DKK2: variants seen among roughly 807,000 people sequenced by gnomAD.
The protein encoded by DKK2 is dickkopf Wnt signaling pathway inhibitor 2, also known as dickkopf-related protein 2.
A neutral mutation model predicts 28.1 loss-of-function variants in DKK2; 11 were observed. The ratio of observed to expected loss-of-function variants is 0.39; its 90% CI spans 0.25 to 0.65. The LOEUF is 0.65. Among genes scored for constraint, DKK2 ranks in the 30% least tolerant of loss-of-function variants. DKK2 has a pLI of 0.47. For synonymous variants in DKK2, 135 were observed against 126.5 expected, an observed-to-expected ratio of 1.07 and a Z score of -0.45; for missense variants, 326 against 335.5, an observed-to-expected ratio of 0.97 and a Z score of 0.22.
intron 1 of DKK2, among the ~76,000 whole-genome samples, chr4:107,003,243 C>A (rs948803267): frequency 3.9e-5 from 6 of 152,178 alleles, no homozygotes; most frequent in African/African-American, 1.4e-4. Context: ...TACTGAGGAA[C>A]ACTTGCAGGA....
At chr4:107,006,989 G>C (rs1723446386) in intron 1 of DKK2, among the ~76,000 whole-genome samples, 1 of 150,760 alleles carries the variant, frequency 6.6e-6, no homozygotes, top group South Asian at 2.1e-4. Flanking sequence ...CTTTTCAAAA[G>C]AACAGTCCTT....
At chr4:107,015,050 C>T (rs896245634) in intron 1 of DKK2, among the ~76,000 whole-genome samples, 1 of 151,442 alleles carries the variant, frequency 6.6e-6, no homozygotes, top group Non-Finnish European at 1.5e-5. Flanking sequence ...TTAAACATAT[C>T]TTCTCGTGCA....
intron 1 of DKK2, among the ~76,000 whole-genome samples, chr4:107,013,484 T>C (rs1723543102): frequency 6.6e-6 from 1 of 151,368 alleles, no homozygotes; most frequent in African/African-American, 2.4e-5. Context: ...AAACTGGATA[T>C]ACACGTGTAA....
Position 106,936,591 on chromosome 4 carries a change from A to G in DKK2, c.223-10642T>C, listed in dbSNP as rs377506521. Among the ~76,000 whole-genome samples the G allele has an allele frequency of 3.2e-4, 48 of 152,322 alleles. 1 individual carries two copies. In the South Asian group the frequency reaches 6.6e-3, roughly 21 times the overall value. On this transcript the variant is annotated intron_variant, in intron 1 of 3. Coordinates refer to ENST00000285311, the MANE Select transcript of DKK2 (RefSeq NM_014421.3). ...CCCCAATCTAGCAAGGCAGGCCAAC[A>G]TTCAGATTCAGGAAATACAGAGAAT...
At chr4:106,939,776 A>C (rs969269580) in intron 1 of DKK2, among the ~76,000 whole-genome samples, 4 of 152,348 alleles carry the variant, frequency 2.6e-5, no homozygotes, top group Admixed American at 6.5e-5. Flanking sequence ...GATCAATGGA[A>C]CAGAACAGAG....
intron 1 of DKK2, among the ~76,000 whole-genome samples, chr4:106,943,208 A>G (rs1481822095): frequency 6.6e-6 from 1 of 152,106 alleles, no homozygotes; most frequent in Non-Finnish European, 1.5e-5. Context: ...TGTTGCTGAC[A>G]CCACATGCTT....
chr4:106,973,022 G>C (rs1722891001), intron 1 of DKK2, among the ~76,000 whole-genome samples: 1 of 152,112 alleles, frequency 6.6e-6, no homozygotes, highest in Non-Finnish European at 1.5e-5. Context: ...ACTTTGCTGA[G>C]AATGATGGTT....
rs1396338370 is a variant in DKK2 at position 106,977,806 on chromosome 4, G to A, written c.223-51857C>T. Among the ~76,000 whole-genome samples, 8 of 152,166 alleles carry A rather than the reference G, an allele frequency of 5.3e-5. No homozygotes were observed. In the East Asian group the frequency reaches 1.5e-3, roughly 29 times the overall value. The stretch of plus-strand genomic sequence containing the variant: ...TGGGAGGAATTGTGATCCTTTGGAG[G>A]AGAAGAGGCGCTCTGGTTTTTGGAA... On this transcript the variant is annotated intron_variant, in intron 1 of 3. Transcript: ENST00000285311.
At chr4:106,987,950 C>T (rs561559487) in intron 1 of DKK2, among the ~76,000 whole-genome samples, 44 of 151,660 alleles carry the variant, frequency 2.9e-4, no homozygotes, top group African/African-American at 6.8e-4. Context: ...CTGCAACTTC[C>T]GCCTCCCGGG....
chr4:107,024,329 A>G (rs1245633576), intron 1 of DKK2, among the ~76,000 whole-genome samples: 1 of 152,188 alleles, frequency 6.6e-6, no homozygotes, highest in East Asian at 1.9e-4. Flanking sequence ...TTCTAACAGC[A>G]GGCAAGAAAG....
Position 106,923,844 on chromosome 4 carries a change from G to A in DKK2, c.*110C>T, listed in dbSNP as rs749983017. ...TTGTGATCATCTATATTCTTATCAC[G>A]TTTCTTATTTTAGCCATTCTTCTGC... On this transcript the variant is annotated 3_prime_UTR_variant, in exon 4 of 4. Coordinates refer to ENST00000285311, the MANE Select transcript of DKK2 (RefSeq NM_014421.3). The A allele has an allele frequency of 7.1e-5, 100 of 1,410,676 alleles. 1 individual carries two copies. The highest frequency in any genetic ancestry group is 3.2e-4 in the East Asian group (14 of 43,446). The allele number at this position is 1,410,676 out of a possible 1,614,324, so 87.4% of individuals were successfully genotyped here. A position where few individuals can be genotyped will look rare whatever the true frequency, so the allele number is the denominator to read the frequency against.
At chr4:106,943,882 A>T (rs547718460) in intron 1 of DKK2, among the ~76,000 whole-genome samples, 91 of 152,194 alleles carry the variant, frequency 6.0e-4, no homozygotes, top group African/African-American at 2.1e-3. Flanking sequence ...AGCCTATGGC[A>T]TGTGGGAGCT....
chr4:106,942,008 C>T lies in DKK2; in HGVS notation c.223-16059G>A, dbSNP rs1293565926. ...TATGTGGAAGAAGGAAAGGTCAGCT[C>T]ACAAGGGCAAAAGAGATTTATGTCT... On this transcript the variant is annotated intron_variant, in intron 1 of 3. Transcript: ENST00000285311. Among the ~76,000 whole-genome samples the T allele has an allele frequency of 2.0e-5, 3 of 152,052 alleles. No homozygotes were observed. In the East Asian group the frequency reaches 5.8e-4, roughly 29 times the overall value.
At position 107,010,607 on chromosome 4, in the gene DKK2, TA is replaced by T. The variant is rs533602300; in HGVS notation, c.222+24762del. 1.0e-2 allele frequency among the ~76,000 whole-genome samples: 1,504 copies of T among 150,960 alleles called. 12 individuals are homozygous for T. Among genetic ancestry groups the T allele is most frequent in the Middle Eastern group, 0.061 (18 of 294 alleles). The stretch of plus-strand genomic sequence containing the variant: ...AGTCTCAGAAACTGGAACACCAAAC[TA>T]AAAAAAAGGGATCGAGTTGCCTTCC... On this transcript the variant is annotated intron_variant, in intron 1 of 3. Transcript: ENST00000285311.
chr4:106,959,890 C>G (rs1039633033), intron 1 of DKK2, among the ~76,000 whole-genome samples: 1 of 151,752 alleles, frequency 6.6e-6, no homozygotes, highest in African/African-American at 2.4e-5. Context: ...TTCAAGATAT[C>G]AATTTTTAAA....
intron 1 of DKK2, among the ~76,000 whole-genome samples, chr4:107,006,376 A>C (rs950925151): frequency 2.0e-5 from 3 of 152,044 alleles, no homozygotes; most frequent in Non-Finnish European, 4.4e-5. Context: ...TTTTTCTATA[A>C]ACCTAACTAA....
At chr4:106,963,747 C>T (rs1722727721) in intron 1 of DKK2, among the ~76,000 whole-genome samples, 1 of 152,154 alleles carries the variant, frequency 6.6e-6, no homozygotes, top group Non-Finnish European at 1.5e-5. Context: ...TATTACAGCA[C>T]TATTCATAAT....
chr4:106,976,956 A>G (rs577241689), intron 1 of DKK2, among the ~76,000 whole-genome samples: 1 of 152,162 alleles, frequency 6.6e-6, no homozygotes, highest in Non-Finnish European at 1.5e-5. Flanking sequence ...ATCTCTCAGC[A>G]TTTGCTTGTC....
In DKK2 at chr4:106,937,094, C is replaced by A. The variant is rs1431329038; in HGVS notation, c.223-11145G>T. Among the ~76,000 whole-genome samples, 206 of 150,778 alleles carry A rather than the reference C, an allele frequency of 1.4e-3. 1 individual carries two copies. The highest frequency in any genetic ancestry group is 3.7e-3 in the African/African-American group (154 of 41,110). On this transcript the variant is annotated intron_variant, in intron 1 of 3. Transcript: ENST00000285311. ...AATAACCAGCTAACATCATAATGAC[C>A]GGATCAAATTCACACATAACAATAT...
Sources: gnomAD v4.1 joint callset for allele counts (sites outside exome capture counted in the v4.1 genomes callset) on GRCh38, gnomAD v4.1.1 for gene constraint, MANE v1.5 for transcripts, NCBI Gene and HGNC (gene_info 2026-07-23, HGNC 2026-07-21) for gene names.